REV3L: variants seen among roughly 807,000 people sequenced by gnomAD.
The protein encoded by REV3L is DNA polymerase zeta catalytic subunit.
A neutral mutation model predicts 299.4 loss-of-function variants in REV3L; 69 were observed. The observed-to-expected ratio is 0.23, with a 90% CI of 0.19 to 0.28. The LOEUF (loss-of-function observed/expected upper bound fraction) is 0.28. Ranked by LOEUF, REV3L falls within the 10% of genes least tolerant of loss-of-function variation. The probability of loss-of-function intolerance (pLI) is 1.00; values close to 1 mark genes in which losing one functional copy is unlikely to be tolerated. For missense variants in REV3L, 3,128 were observed against 3,693.8 expected (o/e 0.85, Z 3.97); for synonymous variants, 1,238 against 1,271.4 (o/e 0.97, Z 0.56).
rs538568790 is a variant in REV3L at position 111,325,928 on chromosome 6, C to T, written c.8242-3250G>A. Among the ~76,000 whole-genome samples, 11 of 152,288 alleles carry T rather than the reference C, an allele frequency of 7.2e-5. 1 individual carries two copies. The South Asian group carries it at 1.9e-3, about 26-fold the overall frequency. On this transcript the variant is annotated intron_variant, in intron 25 of 31. Transcript: ENST00000368802. The stretch of plus-strand genomic sequence containing the variant: ...ATTTCTACTTTATCTCCCTCCCTCC[C>T]CACCTCATTGCCTCTGGCAACCATC...
At chr6:111,344,119 A>G (rs17511209) in intron 20 of REV3L, 76 bp from the exon 21 acceptor site, 725 of 887,312 alleles carry the variant, frequency 8.2e-4, no homozygotes, top group Non-Finnish European at 1.2e-3. Context: ...AGATACCAAT[A>G]TCACTTTAAA....
chr6:111,441,997 C>T (rs955231070), intron 1 of REV3L, among the ~76,000 whole-genome samples: 4 of 152,354 alleles, frequency 2.6e-5, no homozygotes, highest in Admixed American at 6.5e-5. Context: ...TTTCCCCCCA[C>T]TTAGGTGAAA....
chr6:111,352,939 C>T (rs1212715887), intron 18 of REV3L, among the ~76,000 whole-genome samples: 2 of 152,020 alleles, frequency 1.3e-5, no homozygotes, highest in Non-Finnish European at 2.9e-5. Flanking sequence ...TGGGAGAGAG[C>T]GGAACTAATT....
intron 21 of REV3L, 74 bp downstream of exon 21, chr6:111,343,851 G>T: frequency 1.9e-6 from 2 of 1,064,496 alleles, no homozygotes; most frequent in Admixed American, 2.3e-5. Flanking sequence ...CTTTAAATGT[G>T]TGCATTTTAT....
chr6:111,401,891 G>C (rs1269572695), intron 4 of REV3L, among the ~76,000 whole-genome samples: 1 of 151,938 alleles, frequency 6.6e-6, no homozygotes. Flanking sequence ...TGGGTGGATC[G>C]CTTAAGCCTA....
At position 111,375,047 on chromosome 6, in the gene REV3L, T is replaced by A; in HGVS notation, c.3308A>T (p.Tyr1103Phe). The stretch of plus-strand genomic sequence containing the variant: ...ACCTAGTTTAGACATAACATCACTA[T>A]AATTCAGGTCACAATCTTCGGTTTC... ...NAETEDCDLN[Y>F]SDVMSKLGFL... Residue 1103 changes from tyrosine (Y) to phenylalanine (F), a missense_variant, in exon 13 of 32, where the codon TAT becomes TTT. Coordinates refer to ENST00000368802, the MANE Select transcript of REV3L (RefSeq NM_001372078.1). 6.2e-7 allele frequency: 1 copy of A among 1,614,072 alleles called. No individual in the cohort carries two copies.
At chr6:111,354,685 C>G (rs1777918114) in intron 18 of REV3L, among the ~76,000 whole-genome samples, 1 of 152,072 alleles carries the variant, frequency 6.6e-6, no homozygotes. Context: ...ATGACTTGTT[C>G]TTCAATTTCT....
rs926439692 is a variant in REV3L at position 111,373,002 on chromosome 6, C to T, written c.5353G>A (p.Glu1785Lys). ...GGCTGTGGGAGGCTAAGAAACACTT[C>T]TTTGCTTACTGAACTCCTATTCAAT... ...SRLNRSSVSK[E>K]VFLSLPQPNN... Residue 1785 changes from glutamate (E) to lysine (K), a missense_variant, in exon 13 of 32, where the codon GAA (glutamate) becomes AAA (lysine). Transcript: ENST00000368802. 5 of 1,614,042 alleles carry T rather than the reference C, an allele frequency of 3.1e-6. No individual in the cohort carries two copies. Among genetic ancestry groups the T allele is most frequent in the Non-Finnish European group, 4.2e-6 (5 of 1,180,016 alleles).
chr6:111,352,012 CTT>C (rs879816515), intron 18 of REV3L, among the ~76,000 whole-genome samples: 1 of 143,846 alleles, frequency 7.0e-6, no homozygotes. Flanking sequence ...TTCTTTCTTT[CTT>C]TTTTTTTTTT....
intron 1 of REV3L, among the ~76,000 whole-genome samples, chr6:111,450,884 G>C (rs1229250012): frequency 6.6e-6 from 1 of 152,208 alleles, no homozygotes; most frequent in Non-Finnish European, 1.5e-5. Context: ...ACCAGTCTGT[G>C]TTATGCAGAA....
chr6:111,368,704 A>G (rs1779471869), intron 13 of REV3L, among the ~76,000 whole-genome samples: 1 of 152,014 alleles, frequency 6.6e-6, no homozygotes, highest in Non-Finnish European at 1.5e-5. Flanking sequence ...TTTCATTTCC[A>G]ATAGTTATAA....
chr6:111,483,371 C>T, upstream of REV3L: 1 of 477,674 alleles, frequency 2.1e-6, no homozygotes, highest in Non-Finnish European at 3.7e-6. Flanking sequence ...GGCTTTCTCC[C>T]CCTCCCCGGG....
rs1778169365 is a variant in REV3L at position 111,357,099 on chromosome 6, T to A, written c.7099A>T (p.Ile2367Phe). ...TCGAGTCCTGTAATTCCAGATCTAATAAGTAATGGAGTCTGATATCTGATA... is the reference window on the plus strand; with the variant it reads ...TCGAGTCCTGTAATTCCAGATCTAAAAAGTAATGGAGTCTGATATCTGATA... ...QDIRYQTPLLIRSGITGLEVT... is the reference protein window; with the variant it reads ...QDIRYQTPLLFRSGITGLEVT... The change falls in exon 18 of 32, where the codon ATT (isoleucine) becomes TTT (phenylalanine). Residue 2367 changes from isoleucine (I) to phenylalanine (F), a missense_variant. By Grantham distance (21) the Ile-to-Phe change is conservative. Transcript: ENST00000368802. 1.3e-6 allele frequency: 2 copies of A among 1,590,864 alleles called. No homozygotes were observed. Among genetic ancestry groups the A allele is most frequent in the Non-Finnish European group, 1.7e-6 (2 of 1,166,158 alleles).
At chr6:111,358,060 C>G (rs1778280806) in intron 17 of REV3L, among the ~76,000 whole-genome samples, 1 of 152,148 alleles carries the variant, frequency 6.6e-6, no homozygotes, top group Admixed American at 6.6e-5. Context: ...CTAAGACTTC[C>G]TCCTCAGTGG....
At chr6:111,392,626 A>C (rs1562243743) in intron 5 of REV3L, 1 of 276,450 alleles carries the variant, frequency 3.6e-6, no homozygotes, top group East Asian at 6.3e-5. Context: ...TGAATGTTGC[A>C]GAAAAGTATA....
chr6:111,305,533 G>A (rs905563911), intron 31 of REV3L, among the ~76,000 whole-genome samples: 2 of 152,064 alleles, frequency 1.3e-5, no homozygotes, highest in Non-Finnish European at 2.9e-5. Flanking sequence ...GCTGCAATGA[G>A]CTGTAATCAT....
At position 111,376,717 on chromosome 6, in the gene REV3L, A is replaced by C. The variant is rs1315524637; in HGVS notation, c.1638T>G (p.Ser546=). 5 of 1,601,128 alleles carry C rather than the reference A, an allele frequency of 3.1e-6. No individual in the cohort carries two copies. The South Asian group carries it at 3.3e-5, about 11-fold the overall frequency. ...CTGAAAGCTTGCTTGTTGCAATTAC[A>C]GAAGAGTGGGTTCTAGAATTTTCAT... ...LNNENSRTHS[S]VIATSKLSVK... The change falls in exon 13 of 32, where the codon TCT becomes TCG. Residue 546 remains serine (S), a synonymous_variant. Transcript: ENST00000368802.
At chr6:111,411,581 A>C in intron 2 of REV3L, 27 bp from the exon 3 acceptor site, 1 of 1,373,690 alleles carries the variant, frequency 7.3e-7, no homozygotes, top group Non-Finnish European at 1.0e-6. Flanking sequence ...AAAATTTCAA[A>C]TTATTTTCAT....
intron 16 of REV3L, among the ~76,000 whole-genome samples, chr6:111,362,001 CG>C (rs1554203774): frequency 1.3e-5 from 2 of 152,050 alleles, no homozygotes; most frequent in Non-Finnish European, 2.9e-5. Context: ...TGTAGAAAAG[CG>C]TACTTTTCAA....
Sources: allele counts gnomAD v4.1 joint callset (sites outside exome capture counted in the v4.1 genomes callset), GRCh38; gene constraint gnomAD v4.1.1; transcripts MANE v1.5; gene names NCBI Gene and HGNC (gene_info 2026-07-23, HGNC 2026-07-21).